Variants in TEX11 observed in about 807,000 individuals in gnomAD.
TEX11 encodes the protein testis expressed 11.
TEX11 carries 7 observed loss-of-function variants against 84.4 expected under a neutral mutation model. That is an observed-to-expected ratio of 0.08 (90% CI 0.05 to 0.16). The LOEUF is 0.16. Among genes scored for constraint, TEX11 ranks in the 10% least tolerant of loss-of-function variants. The pLI is 1.00. For synonymous variants in TEX11, 264 were observed against 222.8 expected, an observed-to-expected ratio of 1.18 and a Z score of -1.64; for missense variants, 551 against 660.5, an observed-to-expected ratio of 0.83 and a Z score of 1.82.
chrX:70,711,191 A>C (rs764786752), intron 13 of TEX11, among the ~76,000 whole-genome samples: 4 of 111,215 alleles, frequency 3.6e-5, no homozygotes, highest in African/African-American at 1.3e-4. Flanking sequence ...TCTATCATTG[A>C]TGGACATTTG....
chrX:70,842,926 T>A (rs2091455706), intron 7 of TEX11, among the ~76,000 whole-genome samples: 1 of 111,548 alleles, frequency 9.0e-6, no homozygotes, highest in Non-Finnish European at 1.9e-5. Flanking sequence ...TTACAAGGGA[T>A]GTGAAGGACC....
At chrX:70,788,729 C>CACAG (rs1357735553) in intron 9 of TEX11, among the ~76,000 whole-genome samples, 1 of 101,460 alleles carries the variant, frequency 9.9e-6, no homozygotes, top group Non-Finnish European at 2.0e-5. Context: ...CACACACACA[C>CACAG]AGGGGAAAAA....
At chrX:70,756,365 G>A (rs2090868003) in intron 9 of TEX11, among the ~76,000 whole-genome samples, 1 of 111,599 alleles carries the variant, frequency 9.0e-6, no homozygotes, top group Non-Finnish European at 1.9e-5. Context: ...TCCCAGTAGG[G>A]GCTAACAGAC....
At chrX:70,678,162 G>A (rs2090090408) in intron 15 of TEX11, among the ~76,000 whole-genome samples, 1 of 108,729 alleles carries the variant, frequency 9.2e-6, no homozygotes, top group Non-Finnish European at 1.9e-5. Context: ...TTCATTGCCT[G>A]ATGTTCAGGG....
At chrX:70,613,194 C>T (rs184276180) in intron 20 of TEX11, among the ~76,000 whole-genome samples, 13 of 111,829 alleles carry the variant, frequency 1.2e-4, no homozygotes, top group African/African-American at 4.2e-4. Context: ...CCAAATTTAA[C>T]CACTGTCTAC....
chrX:70,584,384 TAA>T (rs1001109435), intron 25 of TEX11, among the ~76,000 whole-genome samples: 21 of 111,228 alleles, frequency 1.9e-4, no homozygotes, highest in Admixed American at 2.9e-4. Flanking sequence ...CTATAACAAG[TAA>T]AGAGATTAAA....
chrX:70,880,125 A>T lies in TEX11; in HGVS notation c.38-16T>A. 1 of 1,161,295 alleles carries T rather than the reference A, an allele frequency of 8.6e-7. No individual in the cohort carries two copies. The highest frequency in any genetic ancestry group is 1.2e-6 in the Non-Finnish European group (1 of 863,230). On this transcript the variant is annotated splice_polypyrimidine_tract_variant and intron_variant, in intron 2 of 29. Transcript: ENST00000374333. ...TCAACAACTTCTGAAATGACAATGG[A>T]TGATAAATGTGCTGTGAACTATTAC...
intron 9 of TEX11, among the ~76,000 whole-genome samples, chrX:70,768,160 G>T (rs775681928): frequency 9.0e-6 from 1 of 111,689 alleles, no homozygotes; most frequent in South Asian, 3.8e-4. Flanking sequence ...TAACACAAAG[G>T]ATAAATGCTC....
chrX:70,813,280 A>T (rs1327233007), intron 8 of TEX11, among the ~76,000 whole-genome samples: 1 of 112,026 alleles, frequency 8.9e-6, no homozygotes, highest in Non-Finnish European at 1.9e-5. Context: ...CCTGGGATGC[A>T]AGGCTGGTTC....
Position 70,529,311 on chromosome X carries a change from T to C in TEX11, c.2686-124A>G, listed in dbSNP as rs2087854733. ...TTCGGAGATCTGAAGCATCTCAGATTTGGGGAGAAAATACAGTCCTCTCTT... is the reference window on the plus strand; with the variant it reads ...TTCGGAGATCTGAAGCATCTCAGATCTGGGGAGAAAATACAGTCCTCTCTT... On this transcript the variant is annotated intron_variant, in intron 29 of 29. Transcript: ENST00000374333. 3 of 494,830 alleles carry C rather than the reference T, an allele frequency of 6.1e-6. No individual in the cohort carries two copies. In the Admixed American group the frequency reaches 1.1e-4, roughly 18 times the overall value. 40.8% of individuals were successfully genotyped at this position (494,830 alleles called of 1,213,427 possible). A position where few individuals can be genotyped will look rare whatever the true frequency, so the allele number is the denominator to read the frequency against.
chrX:70,684,373 G>A (rs191159033), intron 13 of TEX11, among the ~76,000 whole-genome samples: 31 of 112,315 alleles, frequency 2.8e-4, no homozygotes, highest in Admixed American at 2.5e-3. Context: ...ATCACTTGAG[G>A]TCAGGAGTTC....
intron 7 of TEX11, among the ~76,000 whole-genome samples, chrX:70,840,429 TGAGA>T (rs1319416806): frequency 9.0e-6 from 1 of 111,416 alleles, no homozygotes; most frequent in African/African-American, 3.3e-5. Context: ...AAGCAAATGC[TGAGA>T]GATTTTGTCA....
chrX:70,538,678 C>T (rs771610834), intron 28 of TEX11, among the ~76,000 whole-genome samples: 2 of 110,573 alleles, frequency 1.8e-5, no homozygotes, highest in South Asian at 3.9e-4. Flanking sequence ...GACCATTGTC[C>T]TATGAAGAAA....
chrX:70,585,126 T>C (rs2088836211), intron 25 of TEX11, among the ~76,000 whole-genome samples: 1 of 111,999 alleles, frequency 8.9e-6, no homozygotes, highest in Admixed American at 9.6e-5. Context: ...GACATGACCC[T>C]ACGTATAGAA....
At chrX:70,897,034 A>G (rs780643929) in intron 2 of TEX11, among the ~76,000 whole-genome samples, 2 of 106,682 alleles carry the variant, frequency 1.9e-5, no homozygotes, top group East Asian at 6.0e-4. Context: ...CAGGAGGCTG[A>G]GGCAAGAGGA....
intron 9 of TEX11, among the ~76,000 whole-genome samples, chrX:70,779,891 A>C (rs1195171596): frequency 2.7e-5 from 3 of 112,319 alleles, no homozygotes; most frequent in Non-Finnish European, 5.6e-5. Flanking sequence ...AAATGTCTTC[A>C]TTCAAAGAAA....
chrX:70,757,646 G>A (rs1176075772), intron 9 of TEX11, among the ~76,000 whole-genome samples: 2 of 111,617 alleles, frequency 1.8e-5, no homozygotes, highest in East Asian at 2.8e-4. Context: ...AGGAACAACC[G>A]GTACCAGCCA....
chrX:70,894,674 G>C (rs2091758083), intron 2 of TEX11, among the ~76,000 whole-genome samples: 1 of 110,229 alleles, frequency 9.1e-6, no homozygotes, highest in Non-Finnish European at 1.9e-5. Flanking sequence ...CATCAAAAAG[G>C]CTTATCCACC....
intron 9 of TEX11, among the ~76,000 whole-genome samples, chrX:70,752,104 A>G (rs1445546396): frequency 8.9e-6 from 1 of 112,028 alleles, no homozygotes; most frequent in African/African-American, 3.2e-5. Flanking sequence ...AAGTTATAAG[A>G]AGGTTGAAAA....
Sources: allele counts gnomAD v4.1 joint callset (sites outside exome capture counted in the v4.1 genomes callset), GRCh38; gene constraint gnomAD v4.1.1; transcripts MANE v1.5; gene names NCBI Gene and HGNC (gene_info 2026-07-23, HGNC 2026-07-21).